DAPP1: variants seen among roughly 807,000 people sequenced by gnomAD.
DAPP1 encodes dual adapter for phosphotyrosine and 3-phosphotyrosine and 3-phosphoinositide.
DAPP1 carries 20 observed loss-of-function variants against 41.5 expected under a neutral mutation model. The ratio of observed to expected loss-of-function variants is 0.48; its 90% CI spans 0.34 to 0.70. The LOEUF is 0.70. Among genes scored for constraint, DAPP1 ranks in the 30% least tolerant of loss-of-function variants. The probability of loss-of-function intolerance (pLI) is 0.01; values close to 1 mark genes in which losing one functional copy is unlikely to be tolerated. For missense variants in DAPP1, 233 were observed against 333.4 expected (o/e 0.70, Z 2.35); for synonymous variants, 113 against 116.2 (o/e 0.97, Z 0.18).
At chr4:99,852,922 T>C (rs1349725530) in intron 3 of DAPP1, among the ~76,000 whole-genome samples, 2 of 152,312 alleles carry the variant, frequency 1.3e-5, no homozygotes, top group East Asian at 3.9e-4. Flanking sequence ...GGGATGATTA[T>C]CATGCTTTGC....
intron 3 of DAPP1, among the ~76,000 whole-genome samples, chr4:99,852,650 A>G (rs1373981819): frequency 3.3e-5 from 5 of 152,180 alleles, no homozygotes; most frequent in African/African-American, 1.2e-4. Context: ...TTAATTGGGT[A>G]GTATCAGAGA....
chr4:99,835,217 C>T (rs947104596), intron 1 of DAPP1, among the ~76,000 whole-genome samples: 10 of 151,996 alleles, frequency 6.6e-5, no homozygotes, highest in East Asian at 3.9e-4. Context: ...CCATGTTGGC[C>T]GGGCCGGTCT....
rs4444834 is a variant in DAPP1 at position 99,855,060 on chromosome 4, G to A, written c.489+1712G>A. ...GGCTTTGTTAGAAGTGGGGGAGAAG[G>A]CATCAAGAACTCAGAACTTGAGAAA... On this transcript the variant is annotated intron_variant, in intron 4 of 8. Transcript: ENST00000512369. Among the ~76,000 whole-genome samples, 280 of 152,292 alleles carry A rather than the reference G, an allele frequency of 1.8e-3. 2 individuals are homozygous for A. The highest frequency in any genetic ancestry group is 6.3e-3 in the African/African-American group (261 of 41,552).
At chr4:99,831,786 G>A (rs28524542) in intron 1 of DAPP1, among the ~76,000 whole-genome samples, 11,482 of 152,088 alleles carry the variant, frequency 0.075, 498 homozygotes, top group Middle Eastern at 0.14. Context: ...CATTATAACC[G>A]ATCTGGTGGA....
chr4:99,825,154 T>G (rs1181614172), intron 1 of DAPP1, among the ~76,000 whole-genome samples: 22 of 152,246 alleles, frequency 1.4e-4, no homozygotes, highest in African/African-American at 5.3e-4. Flanking sequence ...TGTCCCCATG[T>G]GCTTCTGGCT....
At chr4:99,848,551 G>T (rs1165245974) in intron 3 of DAPP1, among the ~76,000 whole-genome samples, 1 of 152,024 alleles carries the variant, frequency 6.6e-6, no homozygotes, top group Non-Finnish European at 1.5e-5. Flanking sequence ...TTTTTAAAAG[G>T]ATATTAACAA....
intron 3 of DAPP1, among the ~76,000 whole-genome samples, chr4:99,847,363 C>T (rs926546357): frequency 3.9e-5 from 6 of 152,126 alleles, no homozygotes; most frequent in African/African-American, 1.4e-4. Context: ...ATAAAGGGTC[C>T]TTCAATGCAA....
At chr4:99,819,251 T>A (rs1467681761) in intron 1 of DAPP1, among the ~76,000 whole-genome samples, 2 of 152,204 alleles carry the variant, frequency 1.3e-5, no homozygotes, top group Non-Finnish European at 2.9e-5. Context: ...AACCCTCAGA[T>A]GTATGGCTTA....
In DAPP1 at chr4:99,816,869, A is replaced by C. The variant is rs574815826; in HGVS notation, c.-45A>C. On this transcript the variant is annotated 5_prime_UTR_variant, in exon 1 of 9. Coordinates refer to ENST00000512369, the MANE Select transcript of DAPP1 (RefSeq NM_014395.3). ...TCTCACAGAGCGAGAAGGTGTCAGG[A>C]GCAGCCCAGTTGTGTCTCTCTCTCT... 3.1e-4 allele frequency: 478 copies of C among 1,528,098 alleles called. 9 individuals carry two copies. In the South Asian group the frequency reaches 5.3e-3, roughly 17 times the overall value. 94.7% of individuals were successfully genotyped at this position (1,528,098 alleles called of 1,614,324 possible).
chr4:99,823,329 A>AT (rs1418665065), intron 1 of DAPP1, among the ~76,000 whole-genome samples: 1 of 152,158 alleles, frequency 6.6e-6, no homozygotes, highest in East Asian at 1.9e-4. Context: ...ATAGTAATAT[A>AT]TATTAATTAT....
intron 1 of DAPP1, among the ~76,000 whole-genome samples, chr4:99,817,244 T>A (rs1205234619): frequency 6.6e-6 from 1 of 152,156 alleles, no homozygotes; most frequent in Non-Finnish European, 1.5e-5. Context: ...ACAAGTTGGT[T>A]GAGAAAATAG....
At chr4:99,863,251 T>C (rs532201210) in intron 6 of DAPP1, among the ~76,000 whole-genome samples, 179 bp downstream of exon 6, 11 of 152,294 alleles carry the variant, frequency 7.2e-5, no homozygotes, top group Non-Finnish European at 1.5e-4. Context: ...ATGAGATGTA[T>C]GTCCCAGAAA....
intron 3 of DAPP1, 98 bp downstream of exon 3, chr4:99,840,520 T>A: frequency 7.5e-7 from 1 of 1,342,102 alleles, no homozygotes; most frequent in Non-Finnish European, 1.0e-6. Flanking sequence ...TTGTCATTTA[T>A]ATTTCAGCAT....
chr4:99,825,033 A>G (rs962103995), intron 1 of DAPP1, among the ~76,000 whole-genome samples: 1 of 152,082 alleles, frequency 6.6e-6, no homozygotes, highest in Non-Finnish European at 1.5e-5. Context: ...TCTCTGAGTC[A>G]GGCTCTGTGG....
chr4:99,868,884 T>C lies in DAPP1; in HGVS notation c.*699T>C, dbSNP rs1724554404. On this transcript the variant is annotated 3_prime_UTR_variant, in exon 9 of 9. Transcript: ENST00000512369. Reference sequence around the variant, plus strand: ...AAATGAAGGTACAATTTTTAAACCATTATTTTCACCCTGTTGGGGTAAATG... The same window carrying C: ...AAATGAAGGTACAATTTTTAAACCACTATTTTCACCCTGTTGGGGTAAATG... 1 of 152,136 alleles carries C rather than the reference T, an allele frequency of 6.6e-6. No homozygotes were observed. The highest frequency in any genetic ancestry group is 1.5e-5 in the Non-Finnish European group (1 of 68,020). 9.4% of individuals were successfully genotyped at this position (152,136 alleles called of 1,614,324 possible). A position where few individuals can be genotyped will look rare whatever the true frequency, so the allele number is the denominator to read the frequency against.
chr4:99,839,671 C>T (rs1187220863), intron 2 of DAPP1, among the ~76,000 whole-genome samples: 1 of 152,130 alleles, frequency 6.6e-6, no homozygotes, highest in African/African-American at 2.4e-5. Context: ...ATTCTCTGCC[C>T]TTCTTAAACT....
At chr4:99,850,460 G>A (rs559313891) in intron 3 of DAPP1, among the ~76,000 whole-genome samples, 8 of 152,024 alleles carry the variant, frequency 5.3e-5, no homozygotes, top group African/African-American at 1.2e-4. Flanking sequence ...GTGCCTGGTC[G>A]TATCAACTAA....
At chr4:99,820,226 T>C (rs1416640922) in intron 1 of DAPP1, among the ~76,000 whole-genome samples, 2 of 152,096 alleles carry the variant, frequency 1.3e-5, no homozygotes, top group Non-Finnish European at 2.9e-5. Context: ...GTCAGGCTGT[T>C]TGCTGCTTGC....
At chr4:99,861,460 T>C (rs1007912749) in intron 4 of DAPP1, 118 bp from the exon 5 acceptor site, 9 of 1,094,562 alleles carry the variant, frequency 8.2e-6, no homozygotes, top group Middle Eastern at 2.0e-4. Flanking sequence ...TGAAAAATGA[T>C]AGACAGTAAT....
Sources: gnomAD v4.1 joint callset for allele counts (sites outside exome capture counted in the v4.1 genomes callset) on GRCh38, gnomAD v4.1.1 for gene constraint, MANE v1.5 for transcripts, NCBI Gene and HGNC (gene_info 2026-07-23, HGNC 2026-07-21) for gene names.